The following CLDN2 variants were observed in gnomAD, a reference collection of about 807,000 sequenced individuals.
CLDN2 encodes the protein claudin-2.
A neutral mutation model predicts 8.2 loss-of-function variants in CLDN2; 1 was observed. That is an observed-to-expected ratio of 0.12 (90% CI 0.04 to 0.58). The LOEUF (loss-of-function observed/expected upper bound fraction) is 0.58, where lower values mean the gene tolerates loss of function less well. Ranked by LOEUF, CLDN2 falls within the 20% of genes least tolerant of loss-of-function variation. The pLI is 0.90. For missense variants in CLDN2, 108 were observed against 172.9 expected (o/e 0.62, Z 2.11); for synonymous variants, 70 against 70.2 (o/e 1.00, Z 0.01).
At chrX:106,914,025 C>T (rs1602456987), upstream of CLDN2, among the ~76,000 whole-genome samples, 1 of 104,140 alleles carries the variant, frequency 9.6e-6, no homozygotes, top group Non-Finnish European at 2.0e-5. Context: ...CAATCTCGGC[C>T]CACTGCAACC....
upstream of CLDN2, among the ~76,000 whole-genome samples, chrX:106,917,741 CA>C (rs2147791029): frequency 9.0e-6 from 1 of 111,116 alleles, no homozygotes; most frequent in East Asian, 2.8e-4. Flanking sequence ...CACCTCTTCC[CA>C]TACTCTTATT....
intron 1 of CLDN2, chrX:106,903,408 A>T: frequency 9.5e-6 from 7 of 734,971 alleles, no homozygotes; most frequent in East Asian, 3.9e-5. Flanking sequence ...CAGGGAGGAC[A>T]GGGGTGGGAT....
At chrX:106,901,214 C>T (rs1259111096) in intron 1 of CLDN2, among the ~76,000 whole-genome samples, 1 of 112,095 alleles carries the variant, frequency 8.9e-6, no homozygotes, top group Non-Finnish European at 1.9e-5. Flanking sequence ...ATTCTCCAGC[C>T]CTATGGCCCC....
At chrX:106,905,658 C>T (rs1933169354) in intron 1 of CLDN2, among the ~76,000 whole-genome samples, 1 of 111,292 alleles carries the variant, frequency 9.0e-6, no homozygotes, top group South Asian at 3.9e-4. Flanking sequence ...ATCTTTTCCA[C>T]CTGTAAGTGG....
At chrX:106,908,990 C>T (rs1028622067) in intron 1 of CLDN2, among the ~76,000 whole-genome samples, 21 of 111,403 alleles carry the variant, frequency 1.9e-4, no homozygotes, top group Non-Finnish European at 3.0e-4. Context: ...GGTCTCATTG[C>T]CGGGTGTAAC....
intron 1 of CLDN2, among the ~76,000 whole-genome samples, chrX:106,904,875 T>C (rs965690659): frequency 3.6e-5 from 4 of 112,028 alleles, no homozygotes; most frequent in African/African-American, 1.3e-4. Context: ...AGAAAAAAGA[T>C]GTAGAATGGA....
upstream of CLDN2, among the ~76,000 whole-genome samples, chrX:106,917,712 CT>C (rs1933331093): frequency 9.0e-6 from 1 of 111,031 alleles, no homozygotes; most frequent in African/African-American, 3.3e-5. Flanking sequence ...CTCTCTTCTC[CT>C]TTTCTCTTCC....
intron 1 of CLDN2, among the ~76,000 whole-genome samples, chrX:106,904,219 G>T (rs758483145): frequency 2.7e-4 from 30 of 112,941 alleles, no homozygotes; most frequent in African/African-American, 4.8e-4. Flanking sequence ...TCTGACAGGG[G>T]CTACATAAAT....
chrX:106,911,878 G>A (rs1933252010), intron 1 of CLDN2, among the ~76,000 whole-genome samples: 1 of 111,749 alleles, frequency 8.9e-6, no homozygotes, highest in African/African-American at 3.3e-5. Context: ...CGGTAGGGTG[G>A]CAGACAGCTA....
chrX:106,921,136 T>C (rs1221817926), intron 1 of CLDN2, among the ~76,000 whole-genome samples: 2 of 112,646 alleles, frequency 1.8e-5, no homozygotes, highest in Non-Finnish European at 3.7e-5. Context: ...ACAGCACTTA[T>C]GGCCGGGGAG....
chrX:106,915,077 C>A (rs1318582925), upstream of CLDN2, among the ~76,000 whole-genome samples: 2 of 112,143 alleles, frequency 1.8e-5, no homozygotes, highest in Non-Finnish European at 3.8e-5. Flanking sequence ...TAAGTAGTGT[C>A]ATTTCAAGAA....
chrX:106,901,650 C>A, intron 1 of CLDN2: 1 of 770,737 alleles, frequency 1.3e-6, no homozygotes, highest in South Asian at 2.7e-5. Context: ...AGACCTTAGA[C>A]ATCTCTGGGA....
intron 1 of CLDN2, among the ~76,000 whole-genome samples, chrX:106,901,775 G>A (rs1179073859): frequency 9.0e-6 from 1 of 111,433 alleles, no homozygotes; most frequent in Non-Finnish European, 1.9e-5. Flanking sequence ...TCCAGCACCT[G>A]TTTGGAGGCT....
chrX:106,906,644 C>T (rs1454594340), intron 1 of CLDN2, among the ~76,000 whole-genome samples: 1 of 111,411 alleles, frequency 9.0e-6, no homozygotes, highest in African/African-American at 3.3e-5. Flanking sequence ...GCCTTTCCAA[C>T]TTCCTTCCCC....
At chrX:106,912,212 C>A (rs1933255472) in intron 1 of CLDN2, among the ~76,000 whole-genome samples, 1 of 110,901 alleles carries the variant, frequency 9.0e-6, no homozygotes, top group African/African-American at 3.3e-5. Context: ...AGACCAGCAG[C>A]CCTAAAAATG....
At chrX:106,900,713 C>T in intron 1 of CLDN2, 1 of 1,179,913 alleles carries the variant, frequency 8.5e-7, no homozygotes, top group Non-Finnish European at 1.1e-6. Flanking sequence ...ACCCTGGTAC[C>T]CTCACACACC....
intron 1 of CLDN2, chrX:106,900,672 G>C: frequency 8.8e-7 from 1 of 1,131,136 alleles, no homozygotes; most frequent in Non-Finnish European, 1.2e-6. Flanking sequence ...GGGTGAGGAA[G>C]GGGGATGAGC....
chrX:106,905,371 C>G (rs979736277), intron 1 of CLDN2, among the ~76,000 whole-genome samples: 1 of 112,228 alleles, frequency 8.9e-6, no homozygotes, highest in Non-Finnish European at 1.9e-5. Context: ...AGAGAGCTCT[C>G]TGTCCCTGAA....
chrX:106,923,028 T>G (rs1805751080), intron 1 of CLDN2, among the ~76,000 whole-genome samples: 1 of 104,418 alleles, frequency 9.6e-6, no homozygotes, highest in African/African-American at 3.5e-5. Context: ...CAGGCTGGAG[T>G]GCAGTGGCAC....
Sources: gnomAD v4.1 joint callset for allele counts (sites outside exome capture counted in the v4.1 genomes callset) on GRCh38, gnomAD v4.1.1 for gene constraint, MANE v1.5 for transcripts, NCBI Gene and HGNC (gene_info 2026-07-23, HGNC 2026-07-21) for gene names.